The following POLB variants were observed in gnomAD, a reference collection of about 807,000 sequenced individuals.
POLB encodes DNA polymerase beta, also known as 5'-dRP lyase.
In POLB, 37 loss-of-function variants were observed where a neutral mutation model predicts 52.7. The observed-to-expected ratio is 0.70, with a 90% confidence interval of 0.54 to 0.92. The LOEUF (loss-of-function observed/expected upper bound fraction) is 0.92, where lower values mean the gene tolerates loss of function less well. POLB is among the 40% of genes least tolerant of loss of function. The probability of loss-of-function intolerance (pLI) is 0.00; values close to 1 mark genes in which losing one functional copy is unlikely to be tolerated. For missense variants in POLB, 313 were observed against 400.8 expected (o/e 0.78, Z 1.87); for synonymous variants, 138 against 131.3 (o/e 1.05, Z -0.35).
At chr8:42,347,113 G>A (rs1822664773) in intron 3 of POLB, among the ~76,000 whole-genome samples, 1 of 151,914 alleles carries the variant, frequency 6.6e-6, no homozygotes, top group South Asian at 2.1e-4. Context: ...TCTCAAATCT[G>A]CGCTTATGGT....
At chr8:42,355,468 C>CA in intron 6 of POLB, 48 bp from the exon 7 acceptor site, 1 of 1,076,464 alleles carries the variant, frequency 9.3e-7, no homozygotes, top group Non-Finnish European at 1.4e-6. Context: ...ATTTTCCCCC[C>CA]AAAAAGCATT....
rs1821994683 is a variant in POLB, at chr8:42,338,654, T to C, written c.30T>C (p.Thr10=). MSKRKAPQE[T]LNGGITDMLT... is the part of the protein sequence containing the mutation. ...GCAAACGGAAGGCGCCGCAGGAGAC[T>C]CTCAACGGGGGAATCACCGACATGC... is the stretch of plus-strand genomic sequence containing the variant. Residue 10 remains threonine (T), a synonymous_variant, in exon 1 of 14, where the codon ACT becomes ACC. Transcript: ENST00000265421. 1 of 1,614,022 alleles carries C rather than the reference T, an allele frequency of 6.2e-7. No homozygotes were observed. The highest frequency in any genetic ancestry group is 8.5e-7 in the Non-Finnish European group (1 of 1,180,002).
rs1563395385 is a variant in POLB at position 42,349,988 on chromosome 8, ACTTTTTTTTTT to A, written c.262-15_262-5del. On this transcript the variant is annotated splice_region_variant and splice_polypyrimidine_tract_variant and intron_variant, in intron 4 of 13. Coordinates refer to ENST00000265421, the MANE Select transcript of POLB (RefSeq NM_002690.3). ...CAAAGCATTCCTAAATCATTGTTAG[ACTTTTTTTTTT>A]CTTAAAGATTCGGCAGGATGATACG... is the stretch of plus-strand genomic sequence containing the variant. 1 of 1,538,040 alleles carries A rather than the reference ACTTTTTTTTTT, an allele frequency of 6.5e-7. No homozygotes were observed. Among genetic ancestry groups the A allele is most frequent in the East Asian group, 2.2e-5 (1 of 44,512 alleles).
intron 3 of POLB, among the ~76,000 whole-genome samples, chr8:42,347,962 GA>G (rs1277746088): frequency 1.3e-5 from 2 of 151,990 alleles, no homozygotes. Flanking sequence ...CAATACACAT[GA>G]AAAAAAGTTC....
chr8:42,352,385 A>G (rs967059565), intron 5 of POLB, 134 bp from the exon 6 acceptor site: 67 of 693,238 alleles, frequency 9.7e-5, no homozygotes, highest in Non-Finnish European at 1.5e-4. Flanking sequence ...ACAGTTGAAC[A>G]TTACCAAAGT....
chr8:42,361,271 C>G, intron 9 of POLB, 24 bp from the exon 10 acceptor site: 6 of 1,566,108 alleles, frequency 3.8e-6, no homozygotes, highest in Non-Finnish European at 5.3e-6. Flanking sequence ...TGGACAATCT[C>G]ATATGTGTCT....
intron 2 of POLB, chr8:42,339,303 T>C (rs1347009594): frequency 1.9e-6 from 1 of 534,290 alleles, no homozygotes; most frequent in African/African-American, 1.9e-5. Context: ...ATACGTATTT[T>C]GTCATCATCA....
At chr8:42,370,616 A>C (rs533139728) in intron 13 of POLB, among the ~76,000 whole-genome samples, 1 of 152,286 alleles carries the variant, frequency 6.6e-6, no homozygotes, top group East Asian at 1.9e-4. Flanking sequence ...TGGGGGCCTC[A>C]CTAAATTCAG....
intron 11 of POLB, 37 bp downstream of exon 11, chr8:42,362,735 A>T: frequency 9.0e-7 from 1 of 1,116,018 alleles, no homozygotes; most frequent in Admixed American, 1.8e-5. Context: ...CTAAAAAAAA[A>T]CTTGGAGACT....
chr8:42,351,899 C>G (rs1563396842), intron 5 of POLB, among the ~76,000 whole-genome samples: 1 of 152,188 alleles, frequency 6.6e-6, no homozygotes, highest in Non-Finnish European at 1.5e-5. Flanking sequence ...TCTATGCATC[C>G]TAGTTTTTCT....
rs1823385773 is a variant in POLB, at chr8:42,357,407, A to C, written c.550+15A>C. On this transcript the variant is annotated intron_variant, in intron 9 of 13. Transcript: ENST00000265421. Reference sequence around the variant, plus strand: ...TTTCAGAAGAGGTAACATACTTCCTAATCTTGGGTTATTTTTGCCCTGATG... The same window carrying C: ...TTTCAGAAGAGGTAACATACTTCCTCATCTTGGGTTATTTTTGCCCTGATG... 7.1e-7 allele frequency: 1 copy of C among 1,402,094 alleles called. No homozygotes were observed. The highest frequency in any genetic ancestry group is 1.2e-5 in the South Asian group (1 of 83,520). The allele number at this position is 1,402,094 out of a possible 1,614,324, so 86.9% of individuals were successfully genotyped here.
chr8:42,354,135 G>T (rs1192119919), intron 6 of POLB, among the ~76,000 whole-genome samples: 2 of 152,148 alleles, frequency 1.3e-5, no homozygotes, highest in East Asian at 3.8e-4. Context: ...TACTGTTGTG[G>T]TTTTTATATT....
At chr8:42,348,019 G>C (rs951440240) in intron 3 of POLB, among the ~76,000 whole-genome samples, 3 of 152,052 alleles carry the variant, frequency 2.0e-5, no homozygotes, top group African/African-American at 7.2e-5. Flanking sequence ...ACACTATATA[G>C]TGCCCATCAA....
intron 11 of POLB, chr8:42,368,879 T>G (rs1824203179): frequency 1.3e-5 from 2 of 154,454 alleles, no homozygotes; most frequent in Admixed American, 1.3e-4. Context: ...TACTGGAAGC[T>G]TTTTTGTTTG....
chr8:42,353,397 C>T (rs1288960290), intron 6 of POLB, among the ~76,000 whole-genome samples: 7 of 151,690 alleles, frequency 4.6e-5, no homozygotes, highest in African/African-American at 7.3e-5. Flanking sequence ...CGTGAGCCAC[C>T]GCGCCTGGCC....
At chr8:42,357,268 C>T (rs1823375195) in intron 8 of POLB, 45 bp downstream of exon 8, 1 of 1,422,548 alleles carries the variant, frequency 7.0e-7, no homozygotes, top group African/African-American at 1.4e-5. Flanking sequence ...TTGAGAGTGT[C>T]ACTTGGTGAA....
intron 13 of POLB, chr8:42,370,259 GT>G (rs34271342): frequency 0.3 from 87,373 of 287,860 alleles, 8,177 homozygotes; most frequent in African/African-American, 0.55. Context: ...ATCTAAAAGG[GT>G]TTTTTTTTTT....
At chr8:42,363,493 A>G (rs914855041) in intron 11 of POLB, among the ~76,000 whole-genome samples, 1 of 137,028 alleles carries the variant, frequency 7.3e-6, no homozygotes, top group Admixed American at 8.3e-5. Flanking sequence ...GCACCACTGC[A>G]CTCCAGCCTG....
intron 9 of POLB, among the ~76,000 whole-genome samples, chr8:42,360,351 A>G (rs1407958634): frequency 1.3e-5 from 2 of 152,088 alleles, no homozygotes; most frequent in Non-Finnish European, 2.9e-5. Flanking sequence ...GATCGCAAAG[A>G]CACTGCAAGC....
Sources: gnomAD v4.1 joint callset for allele counts (sites outside exome capture counted in the v4.1 genomes callset) on GRCh38, gnomAD v4.1.1 for gene constraint, MANE v1.5 for transcripts, NCBI Gene and HGNC (gene_info 2026-07-23, HGNC 2026-07-21) for gene names.